The following SLC19A1 variants were observed in gnomAD, a reference collection of about 807,000 sequenced individuals.
SLC19A1 encodes reduced folate transporter.
A neutral mutation model predicts 35.3 loss-of-function variants in SLC19A1; 37 were observed. That is an observed-to-expected ratio of 1.05 (90% CI 0.81 to 1.38). The LOEUF (loss-of-function observed/expected upper bound fraction) is 1.38. Ranked by LOEUF, SLC19A1 falls within the 40% of genes most tolerant of loss-of-function variation. The pLI is 0.00. For synonymous variants in SLC19A1, 460 were observed against 398.5 expected (o/e 1.15, Z -1.84); for missense variants, 831 against 826.9 (o/e 1.00, Z -0.06).
intron 4 of SLC19A1, among the ~76,000 whole-genome samples, chr21:45,528,980 C>T (rs2077749285): frequency 6.6e-6 from 1 of 152,228 alleles, no homozygotes; most frequent in East Asian, 1.9e-4. Context: ...CAGGCGTTGT[C>T]CCCCTGGCTG....
At position 45,532,166 on chromosome 21, in the gene SLC19A1, T is replaced by TGCGC. The variant is rs1479107537; in HGVS notation, c.190-22_190-19dup. ...TTCGTGACCTGCGGACAGGCGGGCGTGCGCCCCACCAGGTGTTAGCAATGC... is the reference window on the plus strand; with the variant it reads ...TTCGTGACCTGCGGACAGGCGGGCGTGCGCGCGCCCCACCAGGTGTTAGCAATGC... On this transcript the variant is annotated intron_variant, in intron 2 of 5. Transcript: ENST00000311124. The TGCGC allele has an allele frequency of 6.4e-6, 10 of 1,569,906 alleles. No homozygotes were observed. The highest frequency in any genetic ancestry group is 7.8e-6 in the Non-Finnish European group (9 of 1,153,488).
intron 4 of SLC19A1, among the ~76,000 whole-genome samples, chr21:45,528,757 G>T (rs894248052): frequency 6.6e-6 from 1 of 152,166 alleles, no homozygotes; most frequent in African/African-American, 2.4e-5. Context: ...CCATAGACTG[G>T]GGATGGGTTG....
Position 45,530,311 on chromosome 21 carries a change from T to C in SLC19A1, c.1151+459A>G, listed in dbSNP as rs771339807. Among the ~76,000 whole-genome samples, 5 of 150,808 alleles carry C rather than the reference T, an allele frequency of 3.3e-5. No individual in the cohort carries two copies. Among genetic ancestry groups the C allele is most frequent in the Non-Finnish European group, 7.4e-5 (5 of 67,734 alleles). ...TCCATGTGTGCACGTGTGGTATGTG[T>C]TCATGAGTGTGTGGTGAGTGTCCAT... On this transcript the variant is annotated intron_variant, in intron 4 of 5. Transcript: ENST00000311124. The surrounding 1 kb of genome is among the most constrained non-coding windows in gnomAD (Gnocchi z 5.3).
At chr21:45,512,414 G>A (rs7499), downstream of SLC19A1, 654,194 of 1,608,724 alleles carry the variant, frequency 0.41, 134,572 homozygotes, top group East Asian at 0.6. Context: ...GCCTGGATGC[G>A]GATGGCCGGA....
Position 45,514,942 on chromosome 21 carries a change from G to A in SLC19A1, c.*716C>T. The A allele has an allele frequency of 7.0e-7, 1 of 1,438,550 alleles. No individual in the cohort carries two copies. The highest frequency in any genetic ancestry group is 9.2e-7 in the Non-Finnish European group (1 of 1,086,686). 89.1% of individuals were successfully genotyped at this position (1,438,550 alleles called of 1,614,324 possible). On this transcript the variant is annotated 3_prime_UTR_variant, in exon 6 of 6. Coordinates refer to ENST00000311124, the MANE Select transcript of SLC19A1 (RefSeq NM_194255.4). The stretch of plus-strand genomic sequence containing the variant: ...GACCGGGACCAGTCCCCTCCGGGCT[G>A]GCACAAGTGTGGGAGCAGCTGAGGA...
chr21:45,508,240 G>A (rs1483124557), downstream of SLC19A1, among the ~76,000 whole-genome samples: 1 of 148,978 alleles, frequency 6.7e-6, no homozygotes, highest in Non-Finnish European at 1.5e-5. Context: ...TGGGTAAGTG[G>A]GTGAGTGGAT....
At chr21:45,505,008 G>A (rs1274276597) in intron 3 of SLC19A1, 2 of 1,226,162 alleles carry the variant, frequency 1.6e-6, no homozygotes, top group East Asian at 2.5e-5. Flanking sequence ...CGTGGGCAGG[G>A]AGGGGACCGG....
At position 45,534,513 on chromosome 21, in the gene SLC19A1, CA is replaced by C; in HGVS notation, c.190-2366del. ...CCACGGCTCTCTGGAAAAGGGCGGC[CA>C]GGGGTCCTAGAAGCCTCACCCACCT... On this transcript the variant is annotated intron_variant, in intron 2 of 5. Transcript: ENST00000311124. The surrounding 1 kb of genome is among the most constrained non-coding windows in gnomAD (Gnocchi z 4.2). 1 of 1,518,054 alleles carries C rather than the reference CA, an allele frequency of 6.6e-7. No individual in the cohort carries two copies. The highest frequency in any genetic ancestry group is 2.5e-5 in the East Asian group (1 of 40,816). The allele number at this position is 1,518,054 out of a possible 1,614,324, so 94.0% of individuals were successfully genotyped here.
At chr21:45,528,067 C>T (rs2077709673) in intron 4 of SLC19A1, among the ~76,000 whole-genome samples, 1 of 150,002 alleles carries the variant, frequency 6.7e-6, no homozygotes. Context: ...GCACTGGAGA[C>T]GGGGGGACAG....
At chr21:45,516,242 G>A in intron 5 of SLC19A1, 102 bp from the exon 6 acceptor site, 1 of 913,126 alleles carries the variant, frequency 1.1e-6, no homozygotes, top group Non-Finnish European at 1.7e-6. Flanking sequence ...CTCCAGCTCA[G>A]AGGCTGACCC....
rs767405939 is a variant in SLC19A1, at chr21:45,530,729, G to C, written c.1151+41C>G. 224 of 1,538,046 alleles carry C rather than the reference G, an allele frequency of 1.5e-4. No individual in the cohort carries two copies. Among genetic ancestry groups the C allele is most frequent in the Non-Finnish European group, 1.9e-4 (217 of 1,138,596 alleles). The stretch of plus-strand genomic sequence containing the variant: ...CAGCGAAGCGCGGGGCTTGATCCTG[G>C]CGCCTGCCCGCCCCCGGCTTCCCAC... On this transcript the variant is annotated intron_variant, in intron 4 of 5. Transcript: ENST00000311124. The surrounding 1 kb of genome is among the most constrained non-coding windows in gnomAD (Gnocchi z 5.3).
At chr21:45,508,767 T>C (rs1490210333), downstream of SLC19A1, among the ~76,000 whole-genome samples, 1 of 152,148 alleles carries the variant, frequency 6.6e-6, no homozygotes, top group Non-Finnish European at 1.5e-5. Flanking sequence ...CCCTCCTGTG[T>C]GCCGGGTGGC....
At chr21:45,506,132 TGAGCA>T in intron 3 of SLC19A1, 1 of 1,090,714 alleles carries the variant, frequency 9.2e-7, no homozygotes, top group South Asian at 1.4e-5. Flanking sequence ...AATACTTTTG[TGAGCA>T]GTTTTGGGTT....
chr21:45,507,711 C>T (rs2146103859), downstream of SLC19A1: 1 of 957,494 alleles, frequency 1.0e-6, no homozygotes. Flanking sequence ...GAACATGTGG[C>T]TCACCATCAG....
chr21:45,561,410 G>A (rs1454722280), intron 1 of SLC19A1, among the ~76,000 whole-genome samples: 3 of 152,202 alleles, frequency 2.0e-5, no homozygotes, highest in Non-Finnish European at 4.4e-5. Context: ...AGCGTCTCCC[G>A]GTGTTCCCAC....
Position 45,513,680 on chromosome 21 carries a change from G to A in SLC19A1, c.*1978C>T, listed in dbSNP as rs2037740023. ...GTTCTGTAATTGTGTGTGATGTGAA[G>A]CCAATTCAGACAGGCAAATAAAAGT... On this transcript the variant is annotated 3_prime_UTR_variant, in exon 6 of 6. Coordinates refer to ENST00000311124, the MANE Select transcript of SLC19A1 (RefSeq NM_194255.4). 1 of 152,264 alleles carries A rather than the reference G, an allele frequency of 6.6e-6. No homozygotes were observed. Among genetic ancestry groups the A allele is most frequent in the African/African-American group, 2.4e-5 (1 of 41,458 alleles). The allele number at this position is 152,264 out of a possible 1,614,324, so 9.4% of individuals were successfully genotyped here.
downstream of SLC19A1, chr21:45,512,061 G>A (rs1347241763): frequency 3.9e-6 from 4 of 1,020,956 alleles, no homozygotes; most frequent in South Asian, 1.4e-5. Context: ...CCAGGTTGTG[G>A]GAGCCTCTGC....
intron 5 of SLC19A1, among the ~76,000 whole-genome samples, chr21:45,521,071 G>GA (rs796816225): frequency 2.7e-5 from 4 of 149,638 alleles, no homozygotes; most frequent in South Asian, 4.3e-4. Context: ...ACCATACACA[G>GA]AAAAAAAAGA....
chr21:45,555,688 T>C (rs1418962921), intron 1 of SLC19A1, among the ~76,000 whole-genome samples: 1 of 151,978 alleles, frequency 6.6e-6, no homozygotes, highest in Non-Finnish European at 1.5e-5. Flanking sequence ...GAGGCTGGCC[T>C]AGGCCCTGGG....
Sources: gnomAD v4.1 joint callset for allele counts (sites outside exome capture counted in the v4.1 genomes callset) on GRCh38, gnomAD v4.1.1 for gene constraint, Gnocchi (gnomAD v3.1) non-coding constraint, MANE v1.5 for transcripts, NCBI Gene and HGNC (gene_info 2026-07-23, HGNC 2026-07-21) for gene names.